GRIN2B: variants seen among roughly 807,000 people sequenced by gnomAD.
GRIN2B encodes the protein glutamate receptor ionotropic, NMDA 2B.
In GRIN2B, 5 loss-of-function variants were observed where a neutral mutation model predicts 114.5. That is an observed-to-expected ratio of 0.04 (90% CI 0.02 to 0.09). GRIN2B has a LOEUF of 0.09. GRIN2B is among the 10% of genes least tolerant of loss of function. The pLI is 1.00. For missense variants in GRIN2B, 1,108 were observed against 1,943.5 expected (o/e 0.57, Z 8.08); for synonymous variants, 787 against 745.1 (o/e 1.06, Z -0.92).
intron 12 of GRIN2B, among the ~76,000 whole-genome samples, chr12:13,569,214 T>TGAAAGATGTTATA (rs1948677112): frequency 1.3e-5 from 2 of 152,158 alleles, no homozygotes; most frequent in African/African-American, 2.4e-5. Context: ...TGTTATGGGT[T>TGAAAGATGTTATA]GAAAGATGTT....
intron 5 of GRIN2B, 107 bp from the exon 6 acceptor site, chr12:13,616,764 A>G: frequency 2.4e-6 from 2 of 832,604 alleles, no homozygotes; most frequent in Non-Finnish European, 2.1e-6. Flanking sequence ...ACAAAAGCCA[A>G]CAAGTGCCAA....
intron 5 of GRIN2B, among the ~76,000 whole-genome samples, chr12:13,656,091 C>T (rs1949860539): frequency 6.6e-6 from 1 of 152,198 alleles, no homozygotes; most frequent in Admixed American, 6.5e-5. Context: ...TCCTCAATCT[C>T]CTTCCTTGGA....
intron 2 of GRIN2B, among the ~76,000 whole-genome samples, chr12:13,952,170 G>A (rs918147496): frequency 1.7e-4 from 26 of 152,010 alleles, no homozygotes; most frequent in African/African-American, 4.8e-4. Context: ...GTGCATGTCA[G>A]GTGCCCACAC....
At chr12:13,945,224 C>T (rs1362749441) in intron 2 of GRIN2B, among the ~76,000 whole-genome samples, 1 of 152,166 alleles carries the variant, frequency 6.6e-6, no homozygotes, top group Non-Finnish European at 1.5e-5. Flanking sequence ...CAACTAAGCA[C>T]CTGCTACTCT....
intron 10 of GRIN2B, among the ~76,000 whole-genome samples, chr12:13,588,490 G>GAATT (rs1220878410): frequency 1.3e-5 from 2 of 152,136 alleles, no homozygotes; most frequent in African/African-American, 4.8e-5. Flanking sequence ...TTGAGAAATA[G>GAATT]AATTAAACAT....
intron 2 of GRIN2B, among the ~76,000 whole-genome samples, chr12:13,964,827 C>G (rs189499503): frequency 1.3e-5 from 2 of 152,284 alleles, no homozygotes; most frequent in African/African-American, 4.8e-5. Context: ...CTGTTTGTGA[C>G]GGCAGCGGTG....
At chr12:13,815,797 G>A (rs1864812018) in intron 3 of GRIN2B, among the ~76,000 whole-genome samples, 1 of 152,172 alleles carries the variant, frequency 6.6e-6, no homozygotes, top group Admixed American at 6.5e-5. Context: ...TTCTAAAAAT[G>A]TGCTTGTATA....
chr12:13,923,507 G>A (rs1279059690), intron 2 of GRIN2B, among the ~76,000 whole-genome samples: 1 of 152,104 alleles, frequency 6.6e-6, no homozygotes, highest in Non-Finnish European at 1.5e-5. Context: ...ATACATCCAT[G>A]GTAAGTGACC....
In GRIN2B at chr12:13,897,779, T is replaced by C. The variant is rs199818618; in HGVS notation, c.-18-31553A>G. Among the ~76,000 whole-genome samples, 32 of 152,236 alleles carry C rather than the reference T, an allele frequency of 2.1e-4. No individual in the cohort carries two copies. The East Asian group carries it at 3.9e-3, about 18-fold the overall frequency. On this transcript the variant is annotated intron_variant, in intron 2 of 13. Coordinates refer to ENST00000609686, the MANE Select transcript of GRIN2B (RefSeq NM_000834.5). ...AGAAAGAGATGGATGAATAGATATT[T>C]AGATAATGATAAATAGATGATAGAT... is the stretch of plus-strand genomic sequence containing the variant.
intron 5 of GRIN2B, among the ~76,000 whole-genome samples, chr12:13,674,051 G>T (rs1950047312): frequency 6.6e-6 from 1 of 151,966 alleles, no homozygotes; most frequent in Non-Finnish European, 1.5e-5. Context: ...GTGGAGGGAG[G>T]GCAACTTTAA....
chr12:13,883,009 T>A (rs1471685561), intron 2 of GRIN2B, among the ~76,000 whole-genome samples: 1 of 152,236 alleles, frequency 6.6e-6, no homozygotes, highest in Non-Finnish European at 1.5e-5. Flanking sequence ...TAATACTGCA[T>A]GCAGCCTTTT....
At chr12:13,792,274 A>G (rs1294901958) in intron 3 of GRIN2B, among the ~76,000 whole-genome samples, 1 of 152,196 alleles carries the variant, frequency 6.6e-6, no homozygotes, top group African/African-American at 2.4e-5. Flanking sequence ...GAAACAGAGG[A>G]GCTCCCTAGA....
intron 3 of GRIN2B, among the ~76,000 whole-genome samples, chr12:13,755,154 A>G (rs961628512): frequency 6.6e-6 from 1 of 152,198 alleles, no homozygotes; most frequent in African/African-American, 2.4e-5. Context: ...TCCTCCAATG[A>G]GAGCTTCAAA....
At chr12:13,923,154 G>A (rs557288953) in intron 2 of GRIN2B, among the ~76,000 whole-genome samples, 1 of 152,106 alleles carries the variant, frequency 6.6e-6, no homozygotes, top group East Asian at 1.9e-4. Flanking sequence ...AAATAATGGA[G>A]ATACAGCTTC....
intron 4 of GRIN2B, among the ~76,000 whole-genome samples, chr12:13,716,658 T>C (rs146111024): frequency 5.9e-4 from 90 of 152,012 alleles, no homozygotes; most frequent in Middle Eastern, 3.4e-3. Flanking sequence ...ATGAAAGAAA[T>C]TCTTCTTTCC....
rs537811179 is a variant in GRIN2B, at chr12:13,615,717, A to C, written c.1329-53T>G. ...CAAACAAAAAAGTCTTTGTACAAAA[A>C]GCCAACATTTATTACCCTTTGCCAT... is the stretch of plus-strand genomic sequence containing the variant. On this transcript the variant is annotated intron_variant, in intron 6 of 13. Transcript: ENST00000609686. The surrounding 1 kb of genome is among the most constrained non-coding windows in gnomAD (Gnocchi z 5.8). 2.8e-5 allele frequency: 43 copies of C among 1,511,070 alleles called. No homozygotes were observed. In the South Asian group the frequency reaches 4.6e-4, roughly 16 times the overall value. 93.6% of individuals were successfully genotyped at this position (1,511,070 alleles called of 1,614,324 possible). A position where few individuals can be genotyped will look rare whatever the true frequency, so the allele number is the denominator to read the frequency against.
chr12:13,946,451 C>A (rs1158973806), intron 2 of GRIN2B, among the ~76,000 whole-genome samples: 4 of 151,888 alleles, frequency 2.6e-5, no homozygotes, highest in African/African-American at 9.7e-5. Context: ...CCTCTTCCAT[C>A]TCCCCCACAA....
chr12:13,962,089 T>C (rs11055695), intron 2 of GRIN2B, among the ~76,000 whole-genome samples: 6,694 of 145,280 alleles, frequency 0.046, 209 homozygotes, highest in South Asian at 0.081. Context: ...CTCTCATACA[T>C]ACACACACAC....
intron 2 of GRIN2B, among the ~76,000 whole-genome samples, chr12:13,925,503 C>T (rs1367771041): frequency 6.6e-6 from 1 of 152,106 alleles, no homozygotes; most frequent in Non-Finnish European, 1.5e-5. Context: ...TGAAAAGAAA[C>T]ATGTTTATGG....
Sources: gnomAD v4.1 joint callset for allele counts (sites outside exome capture counted in the v4.1 genomes callset) on GRCh38, gnomAD v4.1.1 for gene constraint, Gnocchi (gnomAD v3.1) non-coding constraint, MANE v1.5 for transcripts, NCBI Gene and HGNC (gene_info 2026-07-23, HGNC 2026-07-21) for gene names.